The following SACS variants were observed in gnomAD, a reference collection of about 807,000 sequenced individuals.
SACS encodes sacsin.
A neutral mutation model predicts 348.0 loss-of-function variants in SACS; 197 were observed. That is an observed-to-expected ratio of 0.57 (90% confidence interval 0.50 to 0.64). The LOEUF (loss-of-function observed/expected upper bound fraction) is 0.64, where lower values mean the gene tolerates loss of function less well. SACS is among the 30% of genes least tolerant of loss of function. SACS has a pLI of 0.00. For missense variants in SACS, 4,999 were observed against 5,360.8 expected, an observed-to-expected ratio of 0.93 and a Z score of 2.11; for synonymous variants, 1,985 against 1,910.6, an observed-to-expected ratio of 1.04 and a Z score of -1.02.
intron 2 of SACS, among the ~76,000 whole-genome samples, chr13:23,385,875 G>T (rs1952192): frequency 0.8 from 121,175 of 152,182 alleles, 49,653 homozygotes; most frequent in East Asian, 1. Context: ...GATATTCATC[G>T]CCTTGTACTT....
chr13:23,374,085 T>TTTA (rs1871588955), intron 3 of SACS: 3 of 152,156 alleles, frequency 2.0e-5, no homozygotes, highest in Non-Finnish European at 4.4e-5. Flanking sequence ...GCATGTTCAG[T>TTTA]AAAAAGCTGA....
intron 2 of SACS, among the ~76,000 whole-genome samples, chr13:23,385,446 G>A (rs540315332): frequency 1.2e-3 from 175 of 150,564 alleles, no homozygotes; most frequent in African/African-American, 3.9e-3. Context: ...TGCAACTTCC[G>A]CTTCCTGGGT....
At position 23,332,985 on chromosome 13, in the gene SACS, G is replaced by T; in HGVS notation, c.10891C>A (p.His3631Asn). The T allele has an allele frequency of 6.2e-7, 1 of 1,613,834 alleles. No homozygotes were observed. Among genetic ancestry groups the T allele is most frequent in the Non-Finnish European group, 8.5e-7 (1 of 1,179,870 alleles). The change falls in exon 10 of 10, where the codon CAT becomes AAT. Residue 3631 changes from histidine (H) to asparagine (N), a missense_variant. His to Asn is a moderately conservative substitution (Grantham distance 68). This residue lies in a region of SACS where 831 missense variants were observed against 941.8 expected (regional missense o/e 0.88). Coordinates refer to ENST00000382292, the MANE Select transcript of SACS (RefSeq NM_014363.6). ...AAATCCATTCGTTCTTGGAATATATGATGCAGAAGGATATCAACTGTATTT... is the reference window on the plus strand; with the variant it reads ...AAATCCATTCGTTCTTGGAATATATTATGCAGAAGGATATCAACTGTATTT... The part of the protein sequence containing the change: ...LQNTVDILLH[H>N]IFQERMDLLS...
Position 23,340,449 on chromosome 13 carries a change from G to T in SACS, c.3427C>A (p.Gln1143Lys), listed in dbSNP as rs144267558. The part of the protein sequence containing the change: ...LVLNKNHTLL[Q>K]SSEGKMTLKK... ...AATGTCATCTTTCCTTCAGATGATT[G>T]CAACAGTGTGTGATTCTTATTTAAA... Residue 1143 changes from glutamine (Q) to lysine (K), a missense_variant, in exon 10 of 10, where the codon CAA becomes AAA. Physicochemically the swap from Gln to Lys is moderately conservative, Grantham distance 53 (BLOSUM62 1). Around this residue, in one of 6 missense-constraint regions of SACS, gnomAD observed 3,156 missense variants for 3,380.1 expected, o/e 0.93. Coordinates refer to ENST00000382292, the MANE Select transcript of SACS (RefSeq NM_014363.6). 1.0e-3 allele frequency: 1,643 copies of T among 1,613,992 alleles called. 3 individuals are homozygous for T. Among genetic ancestry groups the T allele is most frequent in the Admixed American group, 1.8e-3 (109 of 59,974 alleles).
chr13:23,334,578 A>T lies in SACS; in HGVS notation c.9298T>A (p.Ser3100Thr). 6.2e-7 allele frequency: 1 copy of T among 1,613,548 alleles called. No homozygotes were observed. Among genetic ancestry groups the T allele is most frequent in the Admixed American group, 1.7e-5 (1 of 59,982 alleles). The change falls in exon 10 of 10, where the codon TCT becomes ACT. Residue 3100 changes from serine to threonine, a missense_variant. Physicochemically the swap from Ser to Thr is moderately conservative, Grantham distance 58. Transcript: ENST00000382292. ...GGAGAGGAAAATGTCATTAAAAAAG[A>T]TCTGATATCAGCAGGGGTCACATAA... Reference protein sequence around the residue: ...VSYVTPADIRSFLMTFSSPDT... With the variant: ...VSYVTPADIRTFLMTFSSPDT...
At chr13:23,375,410 G>A in intron 2 of SACS, 141 bp from the exon 3 acceptor site, 1 of 1,227,570 alleles carries the variant, frequency 8.1e-7, no homozygotes. Context: ...GCCGGCGCCC[G>A]ATCACGGCCG....
chr13:23,410,303 C>T (rs1245209216), intron 2 of SACS, among the ~76,000 whole-genome samples: 2 of 152,054 alleles, frequency 1.3e-5, no homozygotes, highest in Non-Finnish European at 2.9e-5. Context: ...CCCATAAAGT[C>T]GTCTCAATAC....
chr13:23,329,129 G>C lies in SACS; in HGVS notation c.*1007C>G, dbSNP rs1049655943. 4 of 308,906 alleles carry C rather than the reference G, an allele frequency of 1.3e-5. No individual in the cohort carries two copies. The highest frequency in any genetic ancestry group is 8.8e-5 in the African/African-American group (4 of 45,708). The allele number at this position is 308,906 out of a possible 1,614,324, so 19.1% of individuals were successfully genotyped here. A position where few individuals can be genotyped will look rare whatever the true frequency, so the allele number is the denominator to read the frequency against. ...CAAACATGAATTAAATGTCAGTTCT[G>C]ATCATTCATGGGGAAATATAAGCCG... On this transcript the variant is annotated 3_prime_UTR_variant, in exon 10 of 10. Coordinates refer to ENST00000382292, the MANE Select transcript of SACS (RefSeq NM_014363.6).
chr13:23,345,939 C>T (rs1212454055), intron 9 of SACS, among the ~76,000 whole-genome samples: 2 of 152,066 alleles, frequency 1.3e-5, no homozygotes, highest in African/African-American at 4.8e-5. Context: ...AAATGACACA[C>T]GAGGCACTGT....
chr13:23,339,151 C>T lies in SACS; in HGVS notation c.4725G>A (p.Arg1575=). ...HITDIPIIMS[R]EFMIMFDPNI... is the part of the protein sequence containing the mutation. Reference sequence around the variant, plus strand: ...TTGGATCGAACATTATCATGAATTCCCGACTCATAATGATGGGAATGTCAG... The same window carrying T: ...TTGGATCGAACATTATCATGAATTCTCGACTCATAATGATGGGAATGTCAG... Residue 1575 remains arginine, a synonymous_variant, in exon 10 of 10, where the codon CGG becomes CGA. Transcript: ENST00000382292. 2 of 1,611,774 alleles carry T rather than the reference C, an allele frequency of 1.2e-6. No homozygotes were observed. The highest frequency in any genetic ancestry group is 1.7e-6 in the Non-Finnish European group (2 of 1,178,570).
intron 9 of SACS, among the ~76,000 whole-genome samples, chr13:23,353,537 T>TA (rs1441084819): frequency 6.6e-6 from 1 of 152,184 alleles, no homozygotes; most frequent in African/African-American, 2.4e-5. Context: ...ACCATGCAGG[T>TA]ATAAGATGTT....
intron 2 of SACS, among the ~76,000 whole-genome samples, chr13:23,396,122 G>A (rs751399419): frequency 5.3e-5 from 8 of 152,124 alleles, no homozygotes; most frequent in Admixed American, 2.6e-4. Context: ...TCAGGAGTTC[G>A]CGACCAGCCT....
At chr13:23,412,916 T>C (rs919630499) in intron 1 of SACS, among the ~76,000 whole-genome samples, 3 of 152,244 alleles carry the variant, frequency 2.0e-5, no homozygotes, top group African/African-American at 7.2e-5. Context: ...TTAATTTTTA[T>C]TTTTTAGGGT....
chr13:23,375,504 G>C (rs1370114166), intron 2 of SACS: 3 of 1,131,248 alleles, frequency 2.7e-6, no homozygotes, highest in African/African-American at 3.3e-5. Flanking sequence ...CCCGCGCCGA[G>C]GAGGAAACGC....
chr13:23,375,952 C>G (rs1871778242), intron 2 of SACS, among the ~76,000 whole-genome samples: 1 of 152,072 alleles, frequency 6.6e-6, no homozygotes. Context: ...GACTTTCATT[C>G]CATGGAAGCA....
chr13:23,379,119 C>T (rs949505495), intron 2 of SACS, among the ~76,000 whole-genome samples: 2 of 152,156 alleles, frequency 1.3e-5, no homozygotes, highest in Non-Finnish European at 1.5e-5. Context: ...GGTAGTGAAT[C>T]GAGGGTGTGA....
rs1264649688 is a variant in SACS, at chr13:23,420,809, C to A, written c.-501-9069G>T. ...AGGTATCCACCTGGGGAGTGGTGTC[C>A]ACCCAAGACATTTGGAGTCAAGTGT... On this transcript the variant is annotated intron_variant, in intron 1 of 9. Coordinates refer to ENST00000382292, the MANE Select transcript of SACS (RefSeq NM_014363.6). Among the ~76,000 whole-genome samples the A allele has an allele frequency of 2.0e-5, 3 of 152,114 alleles. No homozygotes were observed. The East Asian group carries it at 5.8e-4, about 30-fold the overall frequency.
chr13:23,412,829 T>G lies in SACS; in HGVS notation c.-501-1089A>C, dbSNP rs184225708. ...AAAGGCTTTATTTTACTAGTAATAT[T>G]CCTTGTAACTATTGGTGCCTGTAAT... is the stretch of plus-strand genomic sequence containing the variant. On this transcript the variant is annotated intron_variant, in intron 1 of 9. Transcript: ENST00000382292. Among the ~76,000 whole-genome samples, 25 of 152,328 alleles carry G rather than the reference T, an allele frequency of 1.6e-4. 1 individual carries two copies. Among genetic ancestry groups the G allele is most frequent in the Admixed American group, 1.5e-3 (23 of 15,304 alleles).
At chr13:23,417,312 C>A (rs1468722866) in intron 1 of SACS, among the ~76,000 whole-genome samples, 1 of 152,158 alleles carries the variant, frequency 6.6e-6, no homozygotes, top group African/African-American at 2.4e-5. Context: ...AAAACCCCAG[C>A]AACCTTGCAG....
Sources: allele counts gnomAD v4.1 joint callset (sites outside exome capture counted in the v4.1 genomes callset), GRCh38; gene constraint gnomAD v4.1.1; regional missense constraint gnomAD v4.1.1; transcripts MANE v1.5; gene names NCBI Gene and HGNC (gene_info 2026-07-23, HGNC 2026-07-21).